Variants in MYLK4 observed in about 807,000 individuals in gnomAD.
MYLK4 encodes myosin light chain kinase family member 4, also known as caMLCK like.
A neutral mutation model predicts 48.1 loss-of-function variants in MYLK4; 46 were observed. The observed-to-expected ratio is 0.96, with a 90% CI of 0.75 to 1.22. The LOEUF is 1.22. MYLK4 is among the 50% of genes most tolerant of loss of function. The pLI is 0.00. For synonymous variants in MYLK4, 170 were observed against 180.8 expected, an observed-to-expected ratio of 0.94 and a Z score of 0.48; for missense variants, 451 against 486.1, an observed-to-expected ratio of 0.93 and a Z score of 0.68.
chr6:2,752,392 G>GT (rs767440768), upstream of MYLK4, among the ~76,000 whole-genome samples: 3,036 of 149,114 alleles, frequency 0.02, 47 homozygotes, highest in African/African-American at 0.046. Context: ...TTGTTGCTGG[G>GT]TTTTTTTTTT....
chr6:2,748,570 T>C (rs1764180255), intron 2 of MYLK4, among the ~76,000 whole-genome samples: 1 of 152,248 alleles, frequency 6.6e-6, no homozygotes, highest in South Asian at 2.1e-4. Flanking sequence ...CAATTGCTAT[T>C]ATCTCACTAA....
intron 3 of MYLK4, among the ~76,000 whole-genome samples, chr6:2,690,495 T>C (rs1231200437): frequency 6.6e-6 from 1 of 152,122 alleles, no homozygotes; most frequent in Non-Finnish European, 1.5e-5. Context: ...AAGAAAACAT[T>C]CAGATGGTGG....
At chr6:2,707,186 G>C (rs1251339692) in intron 2 of MYLK4, among the ~76,000 whole-genome samples, 1 of 152,056 alleles carries the variant, frequency 6.6e-6, no homozygotes, top group Non-Finnish European at 1.5e-5. Flanking sequence ...GCAGAAAATA[G>C]ATCTAAACTG....
At chr6:2,765,761 C>A in the MYLK4 span, 3 of 1,481,304 alleles carry the variant, frequency 2.0e-6, no homozygotes, top group Non-Finnish European at 2.7e-6. Flanking sequence ...CCCGGCGGGG[C>A]ACGCGGAGCC....
At chr6:2,738,761 T>A (rs942834562) in intron 2 of MYLK4, among the ~76,000 whole-genome samples, 8 of 152,366 alleles carry the variant, frequency 5.3e-5, no homozygotes, top group Admixed American at 5.2e-4. Context: ...AGAAAATTCA[T>A]CACTGATAGC....
chr6:2,750,618 G>T (rs900052137), intron 1 of MYLK4, 118 bp downstream of exon 1: 2 of 152,138 alleles, frequency 1.3e-5, no homozygotes, highest in Non-Finnish European at 2.9e-5. Context: ...CAATAATTTT[G>T]CAAAGAAATA....
the MYLK4 span, chr6:2,770,322 C>G: frequency 1.9e-6 from 3 of 1,614,138 alleles, no homozygotes; most frequent in Admixed American, 5.0e-5. Flanking sequence ...TCTAGCCGTC[C>G]CACTGACCCT....
intron 2 of MYLK4, among the ~76,000 whole-genome samples, chr6:2,696,425 A>G (rs1187824252): frequency 6.6e-6 from 1 of 152,246 alleles, no homozygotes; most frequent in Non-Finnish European, 1.5e-5. Flanking sequence ...GAAGGTGACT[A>G]GGTCATGATT....
chr6:2,763,391 G>C, the MYLK4 span, among the ~76,000 whole-genome samples: 1 of 152,240 alleles, frequency 6.6e-6, no homozygotes, highest in African/African-American at 2.4e-5. Context: ...GCAGTAAGCA[G>C]CGCTTCTCAG....
chr6:2,707,211 C>A (rs1762524149), intron 2 of MYLK4, among the ~76,000 whole-genome samples: 1 of 152,146 alleles, frequency 6.6e-6, no homozygotes, highest in African/African-American at 2.4e-5. Context: ...ATAAAAAAAA[C>A]TGCTTTAAGA....
chr6:2,673,589 G>A lies in MYLK4; in HGVS notation c.1119+1458C>T, dbSNP rs974656469. Among the ~76,000 whole-genome samples, 31 of 152,310 alleles carry A rather than the reference G, an allele frequency of 2.0e-4. No homozygotes were observed. Among genetic ancestry groups the A allele is most frequent in the Non-Finnish European group, 3.1e-4 (21 of 68,026 alleles). The stretch of plus-strand genomic sequence containing the variant: ...GGGCAGGGCACCAGCCACCCTAACT[G>A]ATAGGTACATCAGACAGGTCCTGGT... On this transcript the variant is annotated intron_variant, in intron 11 of 12. Transcript: ENST00000274643. The surrounding 1 kb of genome is among the most constrained non-coding windows in gnomAD (Gnocchi z 4.2).
At chr6:2,704,332 C>A (rs370758701) in intron 2 of MYLK4, among the ~76,000 whole-genome samples, 1 of 152,202 alleles carries the variant, frequency 6.6e-6, no homozygotes, top group East Asian at 1.9e-4. Context: ...ACAAGTCCCA[C>A]GTCCATGCAG....
At chr6:2,671,436 G>C (rs563670901) in intron 11 of MYLK4, 88 bp from the exon 12 acceptor site, 17 of 1,233,332 alleles carry the variant, frequency 1.4e-5, no homozygotes, top group Non-Finnish European at 2.0e-5. Flanking sequence ...ACAATCACTT[G>C]CTACTGAGGA....
intron 2 of MYLK4, among the ~76,000 whole-genome samples, chr6:2,745,794 G>C (rs1764064742): frequency 6.6e-6 from 1 of 151,956 alleles, no homozygotes; most frequent in Non-Finnish European, 1.5e-5. Context: ...ATGGGTGGTG[G>C]TGCATGCCTA....
chr6:2,731,677 C>T (rs1370478978), intron 2 of MYLK4, among the ~76,000 whole-genome samples: 1 of 152,166 alleles, frequency 6.6e-6, no homozygotes, highest in African/African-American at 2.4e-5. Flanking sequence ...GGGGAGGGGA[C>T]TGTTTCTTTC....
rs1582063718 is a variant in MYLK4 at position 2,699,011 on chromosome 6, G to A, written c.160-6152C>T. Reference sequence around the variant, plus strand: ...CCCCAGGCTGCTGATGACATCAGGTGGAGTCAGTCACCTGAGAAAATAACC... The same window carrying A: ...CCCCAGGCTGCTGATGACATCAGGTAGAGTCAGTCACCTGAGAAAATAACC... On this transcript the variant is annotated intron_variant, in intron 2 of 12. Coordinates refer to ENST00000274643, the MANE Select transcript of MYLK4 (RefSeq NM_001012418.5). 3.9e-5 allele frequency among the ~76,000 whole-genome samples: 6 copies of A among 152,168 alleles called. No homozygotes were observed. The South Asian group carries it at 1.0e-3, about 26-fold the overall frequency.
intron 2 of MYLK4, among the ~76,000 whole-genome samples, chr6:2,727,452 T>C (rs1390785657): frequency 6.6e-6 from 1 of 152,040 alleles, no homozygotes; most frequent in Non-Finnish European, 1.5e-5. Flanking sequence ...GGGGCCCTGA[T>C]CCCTGCCCCC....
chr6:2,768,964 A>C, the MYLK4 span: 7 of 1,378,624 alleles, frequency 5.1e-6, no homozygotes, highest in Non-Finnish European at 6.9e-6. Context: ...CAAACGCTAG[A>C]GACTTACGAG....
chr6:2,726,902 G>A (rs985758244), intron 2 of MYLK4, among the ~76,000 whole-genome samples: 3 of 152,160 alleles, frequency 2.0e-5, no homozygotes, highest in South Asian at 2.1e-4. Context: ...GTGAGCCACC[G>A]TGCCCGGGCA....
Sources: gnomAD v4.1 joint callset for allele counts (sites outside exome capture counted in the v4.1 genomes callset) on GRCh38, gnomAD v4.1.1 for gene constraint, Gnocchi (gnomAD v3.1) non-coding constraint, MANE v1.5 for transcripts, NCBI Gene and HGNC (gene_info 2026-07-23, HGNC 2026-07-21) for gene names.